WWOX: variants seen among roughly 807,000 people sequenced by gnomAD.
The protein encoded by WWOX is WW domain-containing oxidoreductase.
A neutral mutation model predicts 46.2 loss-of-function variants in WWOX; 69 were observed. The observed-to-expected ratio is 1.49, with a 90% CI of 1.23 to 1.82. The LOEUF is 1.82. Among genes scored for constraint, WWOX ranks in the 40% most tolerant of loss-of-function variants. The pLI is 0.00. For synonymous variants in WWOX, 359 were observed against 202.6 expected (o/e 1.77, Z -6.56); for missense variants, 919 against 542.6 (o/e 1.69, Z -6.89).
At chr16:78,963,864 A>C (rs946886927) in intron 8 of WWOX, among the ~76,000 whole-genome samples, 1 of 152,200 alleles carries the variant, frequency 6.6e-6, no homozygotes, top group Admixed American at 6.5e-5. Flanking sequence ...GGAGGGACCC[A>C]GGGAGAGGTA....
chr16:78,601,486 C>G (rs897559840), intron 8 of WWOX, among the ~76,000 whole-genome samples: 13 of 151,634 alleles, frequency 8.6e-5, no homozygotes, highest in African/African-American at 3.1e-4. Context: ...AGAATAGAAT[C>G]TATTATCTCC....
At chr16:78,430,958 T>A (rs1375099896) in intron 7 of WWOX, among the ~76,000 whole-genome samples, 2 of 152,244 alleles carry the variant, frequency 1.3e-5, no homozygotes, top group Non-Finnish European at 2.9e-5. Flanking sequence ...TTTTGCTTTT[T>A]GTTTTCCATA....
intron 8 of WWOX, among the ~76,000 whole-genome samples, chr16:78,795,633 A>G (rs530205146): frequency 3.9e-5 from 6 of 152,226 alleles, no homozygotes; most frequent in African/African-American, 7.2e-5. Flanking sequence ...ACACTCATGT[A>G]TAATTCTGGC....
At chr16:78,786,587 G>T (rs1368477849) in intron 8 of WWOX, among the ~76,000 whole-genome samples, 1 of 152,020 alleles carries the variant, frequency 6.6e-6, no homozygotes, top group Non-Finnish European at 1.5e-5. Flanking sequence ...AAGCCCATTT[G>T]AAGTGTAACA....
chr16:79,131,128 C>T (rs936492698), intron 8 of WWOX, among the ~76,000 whole-genome samples: 1 of 152,146 alleles, frequency 6.6e-6, no homozygotes, highest in Non-Finnish European at 1.5e-5. Flanking sequence ...CCATGCTGCC[C>T]CTGCCTCCCG....
intron 6 of WWOX, among the ~76,000 whole-genome samples, chr16:78,423,537 T>G (rs1441811193): frequency 3.9e-5 from 6 of 152,184 alleles, no homozygotes; most frequent in African/African-American, 1.4e-4. Context: ...TTTAGCTTTT[T>G]GATTCACGTG....
chr16:79,150,885 C>T (rs921194385), intron 8 of WWOX, among the ~76,000 whole-genome samples: 1 of 152,164 alleles, frequency 6.6e-6, no homozygotes, highest in Non-Finnish European at 1.5e-5. Context: ...AATACATCCG[C>T]AGTCCAGATT....
At chr16:78,683,643 C>G (rs1228083961) in intron 8 of WWOX, among the ~76,000 whole-genome samples, 1 of 152,110 alleles carries the variant, frequency 6.6e-6, no homozygotes, top group Non-Finnish European at 1.5e-5. Context: ...TTCACGTGAT[C>G]CTCCTGCCTC....
intron 8 of WWOX, among the ~76,000 whole-genome samples, chr16:78,450,291 A>G (rs768751317): frequency 6.6e-6 from 1 of 152,192 alleles, no homozygotes; most frequent in African/African-American, 2.4e-5. Context: ...TGAATCATTT[A>G]CATTTTGAAA....
At chr16:78,457,396 C>A (rs1182473241) in intron 8 of WWOX, among the ~76,000 whole-genome samples, 2 of 152,218 alleles carry the variant, frequency 1.3e-5, no homozygotes, top group African/African-American at 4.8e-5. Flanking sequence ...TAGAGAGCTG[C>A]ACCAACCAGG....
At chr16:79,196,816 G>A (rs1255512549) in intron 8 of WWOX, among the ~76,000 whole-genome samples, 1 of 152,162 alleles carries the variant, frequency 6.6e-6, no homozygotes, top group Non-Finnish European at 1.5e-5. Flanking sequence ...CTCAAAGGGA[G>A]CACAATTCCC....
intron 8 of WWOX, among the ~76,000 whole-genome samples, chr16:78,862,069 C>CATATCTATACACACCTACGGGTGTGTCT (rs1555552124): frequency 7.3e-6 from 1 of 137,012 alleles, no homozygotes; most frequent in Non-Finnish European, 1.7e-5. Context: ...GAGATATATG[C>CATATCTATACACACCTACGGGTGTGTCT]ATATCTATAC....
intron 8 of WWOX, among the ~76,000 whole-genome samples, chr16:78,750,645 C>T (rs907091588): frequency 6.6e-6 from 1 of 152,046 alleles, no homozygotes; most frequent in African/African-American, 2.4e-5. Flanking sequence ...CCTTCCCTCC[C>T]TAGTCCCCCC....
At chr16:78,846,873 T>C (rs747799996) in intron 8 of WWOX, among the ~76,000 whole-genome samples, 3 of 152,234 alleles carry the variant, frequency 2.0e-5, no homozygotes, top group African/African-American at 4.8e-5. Context: ...GGAATTCTTC[T>C]ACATGGAAGG....
intron 1 of WWOX, chr16:78,100,240 A>G: frequency 8.8e-7 from 1 of 1,130,290 alleles, no homozygotes. Context: ...TTGCAGGGAT[A>G]GGAGTTTTGT....
intron 8 of WWOX, among the ~76,000 whole-genome samples, chr16:78,663,262 C>G (rs997334469): frequency 5.3e-5 from 8 of 152,172 alleles, no homozygotes; most frequent in African/African-American, 1.9e-4. Flanking sequence ...ACGTGGCCAA[C>G]TGACTTCTTT....
chr16:79,038,515 A>G (rs1004264488), intron 8 of WWOX, among the ~76,000 whole-genome samples: 4 of 152,198 alleles, frequency 2.6e-5, no homozygotes, highest in African/African-American at 9.7e-5. Flanking sequence ...TATGATTTTT[A>G]ACAATATATT....
chr16:78,602,406 A>T (rs1217120700), intron 8 of WWOX, among the ~76,000 whole-genome samples: 1 of 152,000 alleles, frequency 6.6e-6, no homozygotes, highest in African/African-American at 2.4e-5. Context: ...CTAATTTTTT[A>T]TATTTTTAGT....
intron 8 of WWOX, among the ~76,000 whole-genome samples, chr16:78,720,859 A>T (rs1217006048): frequency 6.6e-6 from 1 of 152,164 alleles, no homozygotes; most frequent in African/African-American, 2.4e-5. Context: ...GACAGGAGCT[A>T]CAAAGATGGA....
Sources: allele counts gnomAD v4.1 joint callset (sites outside exome capture counted in the v4.1 genomes callset), GRCh38; gene constraint gnomAD v4.1.1; transcripts MANE v1.5; gene names NCBI Gene and HGNC (gene_info 2026-07-23, HGNC 2026-07-21).